The following TAFA2 variants were observed in gnomAD, a reference collection of about 807,000 sequenced individuals.
TAFA2 encodes TAFA chemokine like family member 2, also known as chemokine-like protein TAFA-2.
In TAFA2, 7 loss-of-function variants were observed where a neutral mutation model predicts 18.8. The observed-to-expected ratio is 0.37, with a 90% CI of 0.21 to 0.70. The LOEUF (loss-of-function observed/expected upper bound fraction) is 0.70, where lower values mean the gene tolerates loss of function less well. Among genes scored for constraint, TAFA2 ranks in the 30% least tolerant of loss-of-function variants. The pLI, the probability that TAFA2 is intolerant of heterozygous loss-of-function variation, is 0.53. For synonymous variants in TAFA2, 60 were observed against 54.2 expected (o/e 1.11, Z -0.47); for missense variants, 122 against 158.1 (o/e 0.77, Z 1.23).
At chr12:62,185,241 T>C (rs986373021) in intron 1 of TAFA2, among the ~76,000 whole-genome samples, 4 of 152,210 alleles carry the variant, frequency 2.6e-5, no homozygotes, top group Non-Finnish European at 5.9e-5. Flanking sequence ...TTAGGTTAAG[T>C]TTTTTCCTTA....
chr12:61,768,174 G>A (rs184602055), intron 2 of TAFA2, among the ~76,000 whole-genome samples: 1 of 151,476 alleles, frequency 6.6e-6, no homozygotes. Context: ...AAGCAGTAGA[G>A]GGAGAGAACC....
intron 2 of TAFA2, among the ~76,000 whole-genome samples, chr12:61,848,047 G>A (rs914773727): frequency 2.6e-5 from 4 of 152,140 alleles, no homozygotes; most frequent in East Asian, 1.9e-4. Flanking sequence ...GGATTTTCTC[G>A]ATATTAACCT....
chr12:62,176,190 C>T (rs1452805452), intron 1 of TAFA2, among the ~76,000 whole-genome samples: 1 of 152,060 alleles, frequency 6.6e-6, no homozygotes, highest in Non-Finnish European at 1.5e-5. Flanking sequence ...CCATTTGTTA[C>T]AAATAAAATT....
chr12:61,755,121 A>G (rs1380823916), intron 2 of TAFA2, 97 bp from the exon 3 acceptor site: 45 of 1,118,598 alleles, frequency 4.0e-5, no homozygotes, highest in Non-Finnish European at 5.1e-5. Flanking sequence ...ATAGCTCTAT[A>G]AGGGGTCCAC....
chr12:61,934,532 G>T (rs1877687552), intron 1 of TAFA2, among the ~76,000 whole-genome samples: 1 of 152,212 alleles, frequency 6.6e-6, no homozygotes, highest in Admixed American at 6.5e-5. Flanking sequence ...TCTTTATTAT[G>T]CTAAACTGAA....
intron 1 of TAFA2, among the ~76,000 whole-genome samples, chr12:62,049,487 G>C (rs1475399068): frequency 6.6e-6 from 1 of 152,180 alleles, no homozygotes; most frequent in Non-Finnish European, 1.5e-5. Flanking sequence ...CATGAGTTTG[G>C]ATGAGGTTGT....
At chr12:62,021,957 A>G in intron 1 of TAFA2, 1 of 706,660 alleles carries the variant, frequency 1.4e-6, no homozygotes, top group South Asian at 1.4e-5. Flanking sequence ...CCCTCCTCAC[A>G]GCAAGCCCTC....
At chr12:62,199,256 A>T (rs573175239) in intron 1 of TAFA2, among the ~76,000 whole-genome samples, 1 of 152,320 alleles carries the variant, frequency 6.6e-6, no homozygotes, top group South Asian at 2.1e-4. Context: ...GGTTTGTTAC[A>T]TAGGTAAACA....
chr12:61,752,978 T>C (rs1290025523), intron 4 of TAFA2, among the ~76,000 whole-genome samples: 1 of 151,848 alleles, frequency 6.6e-6, no homozygotes, highest in African/African-American at 2.4e-5. Context: ...ATGTGGCAAA[T>C]TAGGAAATCA....
intron 1 of TAFA2, among the ~76,000 whole-genome samples, chr12:62,228,346 T>C (rs576897873): frequency 9.2e-5 from 14 of 152,310 alleles, no homozygotes; most frequent in African/African-American, 3.4e-4. Flanking sequence ...GTGATAAATA[T>C]ATGAGTGCAG....
At chr12:61,852,782 G>A (rs930220223) in intron 2 of TAFA2, among the ~76,000 whole-genome samples, 10 of 152,006 alleles carry the variant, frequency 6.6e-5, no homozygotes, top group South Asian at 2.1e-4. Flanking sequence ...AATAGAAAAC[G>A]ATGAGAAAAA....
At chr12:61,875,382 T>C (rs1874798259) in intron 1 of TAFA2, among the ~76,000 whole-genome samples, 1 of 152,100 alleles carries the variant, frequency 6.6e-6, no homozygotes, top group African/African-American at 2.4e-5. Flanking sequence ...TGTTTTATAG[T>C]ATTATCTATC....
intron 2 of TAFA2, among the ~76,000 whole-genome samples, chr12:61,815,999 G>A (rs2121028474): frequency 6.6e-6 from 1 of 150,990 alleles, no homozygotes; most frequent in Admixed American, 6.6e-5. Flanking sequence ...AAGATGGTGT[G>A]GGTCTCAGAG....
chr12:61,915,208 G>T (rs1289252297), intron 1 of TAFA2, among the ~76,000 whole-genome samples: 1 of 152,130 alleles, frequency 6.6e-6, no homozygotes, highest in Non-Finnish European at 1.5e-5. Context: ...GCGTAGTCTA[G>T]ACATGACTTG....
chr12:62,139,764 T>G (rs752851238), intron 1 of TAFA2, among the ~76,000 whole-genome samples: 2 of 152,132 alleles, frequency 1.3e-5, no homozygotes, highest in Non-Finnish European at 2.9e-5. Flanking sequence ...CATAACACAT[T>G]AGAGCTGCAA....
intron 2 of TAFA2, among the ~76,000 whole-genome samples, chr12:61,811,085 T>C (rs758224850): frequency 2.6e-5 from 4 of 151,284 alleles, no homozygotes; most frequent in Admixed American, 6.6e-5. Context: ...ATATAACTTA[T>C]ATCTAAATAA....
At chr12:61,927,455 A>T (rs1437746140) in intron 1 of TAFA2, among the ~76,000 whole-genome samples, 2 of 152,216 alleles carry the variant, frequency 1.3e-5, no homozygotes, top group African/African-American at 4.8e-5. Flanking sequence ...ACAACTTACA[A>T]GGGATATGAA....
chr12:62,077,856 G>T (rs1445564042), intron 1 of TAFA2, among the ~76,000 whole-genome samples: 1 of 152,042 alleles, frequency 6.6e-6, no homozygotes, highest in Non-Finnish European at 1.5e-5. Context: ...AAGCTCTCAA[G>T]CCTTATTTTT....
intron 1 of TAFA2, among the ~76,000 whole-genome samples, chr12:61,959,056 G>A (rs78042048): frequency 0.021 from 3,224 of 151,588 alleles, 126 homozygotes; most frequent in African/African-American, 0.073. Context: ...TCTACTAATC[G>A]TCTTTTCTTG....
Sources: gnomAD v4.1 joint callset for allele counts (sites outside exome capture counted in the v4.1 genomes callset) on GRCh38, gnomAD v4.1.1 for gene constraint, MANE v1.5 for transcripts, NCBI Gene and HGNC (gene_info 2026-07-23, HGNC 2026-07-21) for gene names.